Variants in PRKD3 observed in about 807,000 individuals in gnomAD.
PRKD3 encodes the protein protein kinase D3, also known as serine/threonine-protein kinase D3.
In PRKD3, 47 loss-of-function variants were observed where a neutral mutation model predicts 99.2. That is an observed-to-expected ratio of 0.47 (90% CI 0.38 to 0.60). The LOEUF (loss-of-function observed/expected upper bound fraction) is 0.60. PRKD3 is among the 20% of genes least tolerant of loss of function. PRKD3 has a pLI of 0.00. For synonymous variants in PRKD3, 392 were observed against 355.4 expected (o/e 1.10, Z -1.16); for missense variants, 1,019 against 1,088.4 (o/e 0.94, Z 0.90).
intron 7 of PRKD3, among the ~76,000 whole-genome samples, chr2:37,280,530 AAT>A (rs1669807225): frequency 6.6e-6 from 1 of 152,330 alleles, no homozygotes; most frequent in African/African-American, 2.4e-5. Context: ...ACGGGCAAAA[AAT>A]AGTCTTTTAA....
Position 37,323,069 on chromosome 2 carries a change from T to TA in PRKD3, c.-656+1611dup, listed in dbSNP as rs1243913296. Among the ~76,000 whole-genome samples the TA allele has an allele frequency of 8.0e-5, 12 of 150,566 alleles. No homozygotes were observed. The Admixed American group carries it at 8.2e-4, about 10-fold the overall frequency. On this transcript the variant is annotated intron_variant, in intron 1 of 18. Transcript: ENST00000234179. Reference sequence around the variant, plus strand: ...TATGTGGTGTTTTCAATTCGTAATTTAAAAAAATGTAATATCAGAAAGTTT... The same window carrying TA: ...TATGTGGTGTTTTCAATTCGTAATTTAAAAAAAATGTAATATCAGAAAGTTT...
chr2:37,307,464 A>G (rs573601791), intron 2 of PRKD3, among the ~76,000 whole-genome samples: 2 of 152,310 alleles, frequency 1.3e-5, no homozygotes, highest in South Asian at 4.1e-4. Flanking sequence ...ATGAAACAAG[A>G]TGGGAAAGAA....
intron 2 of PRKD3, among the ~76,000 whole-genome samples, chr2:37,312,791 A>T (rs548742163): frequency 6.6e-6 from 1 of 152,274 alleles, no homozygotes; most frequent in South Asian, 2.1e-4. Flanking sequence ...CACATAAAAC[A>T]AGGTTATGTA....
intron 2 of PRKD3, 109 bp downstream of exon 2, chr2:37,316,128 G>C (rs1270217534): frequency 8.4e-7 from 1 of 1,186,026 alleles, no homozygotes; most frequent in Non-Finnish European, 1.2e-6. Context: ...AAAATGCACA[G>C]AATAAACTAC....
At chr2:37,296,826 G>A (rs187456354) in intron 2 of PRKD3, among the ~76,000 whole-genome samples, 1 of 150,820 alleles carries the variant, frequency 6.6e-6, no homozygotes, top group Non-Finnish European at 1.5e-5. Flanking sequence ...CGTGAACCCG[G>A]GAGGCGGAGG....
intron 12 of PRKD3, among the ~76,000 whole-genome samples, chr2:37,270,878 A>T (rs1477734900): frequency 9.2e-5 from 14 of 152,246 alleles, no homozygotes; most frequent in Non-Finnish European, 2.9e-5. Context: ...GTTAAACAAA[A>T]GCCAATTCTG....
chr2:37,292,944 G>T (rs1484709235), intron 3 of PRKD3, 189 bp downstream of exon 3: 6 of 535,002 alleles, frequency 1.1e-5, no homozygotes, highest in African/African-American at 1.9e-5. Context: ...CCGTTGCCAG[G>T]TATTTTTCTT....
At chr2:37,287,606 G>T (rs1670183499) in intron 5 of PRKD3, among the ~76,000 whole-genome samples, 1 of 152,154 alleles carries the variant, frequency 6.6e-6, no homozygotes, top group African/African-American at 2.4e-5. Flanking sequence ...TAGCTAGATG[G>T]TAGTTGGGTA....
chr2:37,283,867 C>T (rs898097282), intron 6 of PRKD3, among the ~76,000 whole-genome samples: 1 of 147,536 alleles, frequency 6.8e-6, no homozygotes, highest in Non-Finnish European at 1.5e-5. Flanking sequence ...CACCACTGCA[C>T]TCCAGCCTGG....
chr2:37,323,382 G>A (rs1395769218), intron 1 of PRKD3, among the ~76,000 whole-genome samples: 2 of 151,822 alleles, frequency 1.3e-5, no homozygotes, highest in Non-Finnish European at 2.9e-5. Context: ...AGTACTCCAA[G>A]CTCATGCACT....
intron 10 of PRKD3, among the ~76,000 whole-genome samples, chr2:37,275,178 C>T (rs1669504040): frequency 6.8e-6 from 1 of 146,220 alleles, no homozygotes; most frequent in Non-Finnish European, 1.5e-5. Flanking sequence ...ATTTTTAGTC[C>T]ACTTCCTAAG....
chr2:37,261,644 G>C (rs1668464019), intron 14 of PRKD3, among the ~76,000 whole-genome samples: 1 of 151,876 alleles, frequency 6.6e-6, no homozygotes, highest in Non-Finnish European at 1.5e-5. Flanking sequence ...GCCGGGTGTG[G>C]TGGCGCAAGC....
intron 11 of PRKD3, among the ~76,000 whole-genome samples, chr2:37,272,694 T>A (rs1011862029): frequency 1.3e-5 from 2 of 152,180 alleles, no homozygotes; most frequent in Non-Finnish European, 2.9e-5. Context: ...GAAAGCTAGT[T>A]ATGATTATTA....
chr2:37,295,296 A>G (rs1670627077), intron 2 of PRKD3, among the ~76,000 whole-genome samples: 1 of 152,176 alleles, frequency 6.6e-6, no homozygotes, highest in Non-Finnish European at 1.5e-5. Context: ...AAAATAAAAA[A>G]TTATAGAAGG....
intron 2 of PRKD3, among the ~76,000 whole-genome samples, chr2:37,311,043 C>A (rs146406007): frequency 1.6e-4 from 25 of 152,190 alleles, no homozygotes; most frequent in Non-Finnish European, 3.5e-4. Flanking sequence ...AACTTTTTAT[C>A]TGACCAAGCA....
chr2:37,302,532 G>A (rs1162051773), intron 2 of PRKD3, among the ~76,000 whole-genome samples: 1 of 152,052 alleles, frequency 6.6e-6, no homozygotes, highest in African/African-American at 2.4e-5. Context: ...ATTATTTTAA[G>A]CAACACTTAT....
intron 7 of PRKD3, 33 bp from the exon 8 acceptor site, chr2:37,279,962 A>G (rs1215253088): frequency 3.5e-6 from 5 of 1,448,650 alleles, no homozygotes; most frequent in Non-Finnish European, 3.8e-6. Context: ...TCAGAGTTTT[A>G]TATTAATAGA....
chr2:37,256,612 A>C (rs1439161592), intron 17 of PRKD3, 50 bp downstream of exon 17: 9 of 1,462,996 alleles, frequency 6.2e-6, no homozygotes, highest in Non-Finnish European at 7.2e-6. Context: ...GTTTAGGCTT[A>C]AAACACATAG....
At chr2:37,286,038 T>C in intron 6 of PRKD3, 139 bp downstream of exon 6, 1 of 791,966 alleles carries the variant, frequency 1.3e-6, no homozygotes, top group Non-Finnish European at 1.9e-6. Flanking sequence ...TTATATTTTG[T>C]TTATATTTCT....
Sources: gnomAD v4.1 joint callset for allele counts (sites outside exome capture counted in the v4.1 genomes callset) on GRCh38, gnomAD v4.1.1 for gene constraint, MANE v1.5 for transcripts, NCBI Gene and HGNC (gene_info 2026-07-23, HGNC 2026-07-21) for gene names.